Variants in CASR observed in about 807,000 individuals in gnomAD.
The protein encoded by CASR is extracellular calcium-sensing receptor.
Under a neutral mutation model 69.1 loss-of-function variants are expected in CASR, and 23 were observed. That is an observed-to-expected ratio of 0.33 (90% confidence interval 0.24 to 0.47). The LOEUF (loss-of-function observed/expected upper bound fraction) is 0.47. Among genes scored for constraint, CASR ranks in the 20% least tolerant of loss-of-function variants. The pLI is 1.00. For synonymous variants in CASR, 541 were observed against 544.7 expected, an observed-to-expected ratio of 0.99 and a Z score of 0.10; for missense variants, 924 against 1,356.1, an observed-to-expected ratio of 0.68 and a Z score of 5.00.
At chr3:122,231,934 G>C (rs2074282638) in intron 1 of CASR, among the ~76,000 whole-genome samples, 1 of 151,872 alleles carries the variant, frequency 6.6e-6, no homozygotes, top group Non-Finnish European at 1.5e-5. Context: ...CTGTGATTCA[G>C]GGGTGTGAAG....
At position 122,195,235 on chromosome 3, in the gene CASR, T is replaced by C. The variant is rs371300853; in HGVS notation, c.-243+11423T>C. 2.6e-5 allele frequency among the ~76,000 whole-genome samples: 4 copies of C among 152,322 alleles called. No individual in the cohort carries two copies. The East Asian group carries it at 7.7e-4, about 29-fold the overall frequency. Reference sequence around the variant, plus strand: ...AACAGGGCTACAGAGCAGCTGGGCCTCCCAGCAAAAGGGTGAGATTTCCTA... The same window carrying C: ...AACAGGGCTACAGAGCAGCTGGGCCCCCCAGCAAAAGGGTGAGATTTCCTA... On this transcript the variant is annotated intron_variant, in intron 1 of 6. Transcript: ENST00000639785.
intron 4 of CASR, among the ~76,000 whole-genome samples, chr3:122,272,187 G>A (rs369125233): frequency 2.0e-5 from 3 of 151,888 alleles, no homozygotes; most frequent in South Asian, 2.1e-4. Context: ...ACTGCCAGAC[G>A]TTTTTTCCAA....
intron 1 of CASR, among the ~76,000 whole-genome samples, chr3:122,215,814 A>C (rs967843476): frequency 6.6e-6 from 1 of 152,240 alleles, no homozygotes; most frequent in Non-Finnish European, 1.5e-5. Flanking sequence ...AGAAATTGCC[A>C]TGAGAGGCAC....
At position 122,285,860 on chromosome 3, in the gene CASR, C is replaced by T. The variant is rs2074964071; in HGVS notation, c.*669C>T. 1 of 154,892 alleles carries T rather than the reference C, an allele frequency of 6.5e-6. No individual in the cohort carries two copies. Among genetic ancestry groups the T allele is most frequent in the African/African-American group, 2.4e-5 (1 of 41,430 alleles). The allele number at this position is 154,892 out of a possible 1,614,324, so 9.6% of individuals were successfully genotyped here. On this transcript the variant is annotated 3_prime_UTR_variant, in exon 7 of 7. Coordinates refer to ENST00000639785, the MANE Select transcript of CASR (RefSeq NM_000388.4). ...GGAAGGGACTGCATAAACCAATGAG[C>T]TGTATCTGTAATTAATATTCCTATA...
chr3:122,202,150 A>T (rs982534666), intron 1 of CASR, among the ~76,000 whole-genome samples: 4 of 152,052 alleles, frequency 2.6e-5, no homozygotes, highest in African/African-American at 4.8e-5. Flanking sequence ...AGTGAACCAG[A>T]CTCCGTCTGC....
At chr3:122,253,682 C>G (rs891958197) in intron 1 of CASR, among the ~76,000 whole-genome samples, 1 of 152,242 alleles carries the variant, frequency 6.6e-6, no homozygotes, top group Admixed American at 6.5e-5. Flanking sequence ...AATCCAGCAT[C>G]AGCACCAGCA....
chr3:122,284,149 C>T lies in CASR; in HGVS notation c.2195C>T (p.Thr732Ile). Residue 732 changes from threonine (T) to isoleucine (I), a missense_variant, in exon 7 of 7, where the codon ACC becomes ATC. Thr to Ile is a moderately conservative substitution (Grantham distance 89). Coordinates refer to ENST00000639785, the MANE Select transcript of CASR (RefSeq NM_000388.4). ...NLQFLLVFLC[T>I]FMQIVICVIW... The stretch of plus-strand genomic sequence containing the variant: ...CAGTTCCTGCTGGTTTTCCTCTGCA[C>T]CTTCATGCAGATTGTCATCTGTGTG... 1 of 1,613,612 alleles carries T rather than the reference C, an allele frequency of 6.2e-7. No homozygotes were observed. The highest frequency in any genetic ancestry group is 2.2e-5 in the East Asian group (1 of 44,872).
intron 1 of CASR, among the ~76,000 whole-genome samples, chr3:122,195,217 C>T (rs1204938456): frequency 6.6e-6 from 1 of 152,158 alleles, no homozygotes; most frequent in East Asian, 1.9e-4. Flanking sequence ...TGTAACAGGG[C>T]TACAGAGCAG....
chr3:122,204,350 CT>C (rs1353074904), intron 1 of CASR, among the ~76,000 whole-genome samples: 1 of 152,090 alleles, frequency 6.6e-6, no homozygotes, highest in East Asian at 1.9e-4. Flanking sequence ...CTATGCTTGG[CT>C]TATTTTACTT....
At chr3:122,267,441 T>C (rs1173081620) in intron 4 of CASR, among the ~76,000 whole-genome samples, 1 of 152,160 alleles carries the variant, frequency 6.6e-6, no homozygotes, top group Non-Finnish European at 1.5e-5. Context: ...AAAAATATCA[T>C]TTGAGACGAG....
At chr3:122,275,320 C>T (rs1196864193) in intron 4 of CASR, among the ~76,000 whole-genome samples, 3 of 152,230 alleles carry the variant, frequency 2.0e-5, no homozygotes, top group Non-Finnish European at 4.4e-5. Flanking sequence ...TCCTTCACCC[C>T]ACTCTGTGAA....
intron 1 of CASR, among the ~76,000 whole-genome samples, chr3:122,211,639 T>TG (rs1156560303): frequency 1.3e-5 from 2 of 152,054 alleles, no homozygotes; most frequent in Admixed American, 6.6e-5. Flanking sequence ...GCCTGGGAGG[T>TG]GGAGGTTGCA....
rs571772580 is a variant in CASR, at chr3:122,237,789, G to T, written c.-242-16159G>T. Among the ~76,000 whole-genome samples, 10 of 152,306 alleles carry T rather than the reference G, an allele frequency of 6.6e-5. No individual in the cohort carries two copies. The East Asian group carries it at 1.9e-3, about 29-fold the overall frequency. On this transcript the variant is annotated intron_variant, in intron 1 of 6. Coordinates refer to ENST00000639785, the MANE Select transcript of CASR (RefSeq NM_000388.4). ...ATGAAAAAGACTGGCAGTACCAAGGGTGGACAAGGACATGGAGTGATAGAA... is the reference window on the plus strand; with the variant it reads ...ATGAAAAAGACTGGCAGTACCAAGGTTGGACAAGGACATGGAGTGATAGAA...
chr3:122,281,822 C>A (rs991989847), intron 5 of CASR, among the ~76,000 whole-genome samples: 3 of 152,136 alleles, frequency 2.0e-5, no homozygotes, highest in African/African-American at 7.2e-5. Context: ...AGTAGTGGCG[C>A]TTTTCCCAGA....
intron 1 of CASR, among the ~76,000 whole-genome samples, chr3:122,206,143 TC>T (rs2107591608): frequency 6.6e-6 from 1 of 152,184 alleles, no homozygotes; most frequent in African/African-American, 2.4e-5. Context: ...ATCCTTGTTT[TC>T]TTCCATATTG....
chr3:122,282,594 G>A (rs886806758), intron 6 of CASR, among the ~76,000 whole-genome samples: 5 of 152,182 alleles, frequency 3.3e-5, no homozygotes, highest in Non-Finnish European at 5.9e-5. Context: ...TGGGTGCCTG[G>A]CACTGAATTT....
chr3:122,221,185 A>G (rs1169164148), intron 1 of CASR, among the ~76,000 whole-genome samples: 1 of 152,204 alleles, frequency 6.6e-6, no homozygotes, highest in Non-Finnish European at 1.5e-5. Context: ...GTGTAGAAAG[A>G]GACATTGAGT....
chr3:122,254,020 T>G lies in CASR; in HGVS notation c.-170T>G. 1 of 729,982 alleles carries G rather than the reference T, an allele frequency of 1.4e-6. No individual in the cohort carries two copies. The highest frequency in any genetic ancestry group is 1.7e-5 in the African/African-American group (1 of 57,762). 45.2% of individuals were successfully genotyped at this position (729,982 alleles called of 1,614,324 possible). A position where few individuals can be genotyped will look rare whatever the true frequency, so the allele number is the denominator to read the frequency against. On this transcript the variant is annotated 5_prime_UTR_variant, in exon 2 of 7. Transcript: ENST00000639785. The stretch of plus-strand genomic sequence containing the variant: ...GGACCACCCACATTACAAGTCTGGA[T>G]TGAGGAAGGCAGAAATGGAGATTCA...
At chr3:122,253,240 A>T (rs1161397002) in intron 1 of CASR, among the ~76,000 whole-genome samples, 1 of 151,948 alleles carries the variant, frequency 6.6e-6, no homozygotes, top group Non-Finnish European at 1.5e-5. Context: ...CTCATTCTCT[A>T]TTTTCTTTCT....
Sources: allele counts gnomAD v4.1 joint callset (sites outside exome capture counted in the v4.1 genomes callset), GRCh38; gene constraint gnomAD v4.1.1; transcripts MANE v1.5; gene names NCBI Gene and HGNC (gene_info 2026-07-23, HGNC 2026-07-21).